Variants in DIP2A observed in about 807,000 individuals in gnomAD.
DIP2A encodes DIP2 acetate--CoA ligase A, also known as disco-interacting protein 2 homolog A.
Under a neutral mutation model 177.4 loss-of-function variants are expected in DIP2A, and 85 were observed. That is an observed-to-expected ratio of 0.48 (90% CI 0.40 to 0.57). The LOEUF is 0.57. Among genes scored for constraint, DIP2A ranks in the 20% least tolerant of loss-of-function variants. The pLI is 0.00. For synonymous variants in DIP2A, 886 were observed against 881.8 expected (o/e 1.00, Z -0.08); for missense variants, 1,791 against 2,100.2 (o/e 0.85, Z 2.88).
At chr21:46,494,253 A>G (rs1467450041) in intron 3 of DIP2A, among the ~76,000 whole-genome samples, 2 of 152,206 alleles carry the variant, frequency 1.3e-5, no homozygotes, top group African/African-American at 2.4e-5. Context: ...TTCAGCCTCT[A>G]TGAACCTTAG....
chr21:46,461,422 C>T (rs1013403563), intron 1 of DIP2A, among the ~76,000 whole-genome samples: 3 of 152,008 alleles, frequency 2.0e-5, no homozygotes, highest in Middle Eastern at 3.4e-3. Flanking sequence ...TAGGGAAAAT[C>T]ACATATACGC....
At chr21:46,554,476 C>T (rs1850341361) in intron 26 of DIP2A, 99 bp from the exon 27 acceptor site, 1 of 1,549,576 alleles carries the variant, frequency 6.5e-7, no homozygotes. Context: ...CCATGCCCCC[C>T]CAGCACCACC....
chr21:46,470,715 G>T (rs1433056376), intron 1 of DIP2A, among the ~76,000 whole-genome samples: 1 of 150,414 alleles, frequency 6.6e-6, no homozygotes, highest in Admixed American at 6.7e-5. Context: ...AGTGAGCAGA[G>T]ATCACACCAT....
At position 46,495,244 on chromosome 21, in the gene DIP2A, T is replaced by TTCTTTCTCTCTCTCTC. The variant is rs2057274679; in HGVS notation, c.284-1741_284-1740insTTCTCTCTCTCTCTCT. Among the ~76,000 whole-genome samples the TTCTTTCTCTCTCTCTC allele has an allele frequency of 1.0e-3, 38 of 38,140 alleles. 1 individual carries two copies. Among genetic ancestry groups the TTCTTTCTCTCTCTCTC allele is most frequent in the African/African-American group, 1.3e-3 (11 of 8,532 alleles). 25.0% of individuals were successfully genotyped at this position (38,140 alleles called of 152,430 possible). A position where few individuals can be genotyped will look rare whatever the true frequency, so the allele number is the denominator to read the frequency against. The stretch of plus-strand genomic sequence containing the variant: ...CTTCTCTTCTCTTCTCTTCTCTTCT[T>TTCTTTCTCTCTCTCTC]TCTCTCTCTCTCTCTCTCTCTCTCT... On this transcript the variant is annotated intron_variant, in intron 3 of 37. Transcript: ENST00000417564.
At chr21:46,505,571 T>C (rs1017113816) in intron 6 of DIP2A, among the ~76,000 whole-genome samples, 11 of 152,188 alleles carry the variant, frequency 7.2e-5, no homozygotes, top group South Asian at 4.1e-4. Context: ...ATTGTGTCAC[T>C]TCACTCCAGC....
At chr21:46,561,948 T>G in intron 34 of DIP2A, 143 bp downstream of exon 34, 1 of 1,466,008 alleles carries the variant, frequency 6.8e-7, no homozygotes, top group Non-Finnish European at 9.0e-7. Flanking sequence ...GCTGCAGAAG[T>G]CTCCTTCCCT....
chr21:46,539,649 C>A, intron 16 of DIP2A: 1 of 550,530 alleles, frequency 1.8e-6, no homozygotes, highest in Non-Finnish European at 3.3e-6. Flanking sequence ...GCCCCTTCTG[C>A]CCTTTGGAGC....
chr21:46,532,734 G>A (rs776744785), intron 10 of DIP2A, among the ~76,000 whole-genome samples: 6 of 152,066 alleles, frequency 3.9e-5, no homozygotes, highest in Non-Finnish European at 7.4e-5. Flanking sequence ...TTATATGACC[G>A]TAGGCAGTTT....
chr21:46,477,543 T>TGTGTG (rs2055964791), intron 1 of DIP2A, among the ~76,000 whole-genome samples: 1 of 87,094 alleles, frequency 1.1e-5, no homozygotes, highest in African/African-American at 4.3e-5. Context: ...AAAAAAAGAT[T>TGTGTG]TGTGTGTGTG....
chr21:46,571,827 C>T (rs2060970884), downstream of DIP2A, among the ~76,000 whole-genome samples: 1 of 152,174 alleles, frequency 6.6e-6, no homozygotes, highest in Non-Finnish European at 1.5e-5. Context: ...TCTAAATATA[C>T]AATCATGTCA....
chr21:46,470,654 C>G (rs1274681935), intron 1 of DIP2A, among the ~76,000 whole-genome samples: 1 of 151,888 alleles, frequency 6.6e-6, no homozygotes, highest in Non-Finnish European at 1.5e-5. Context: ...GCCTGTAATC[C>G]CAGCTACTCA....
intron 12 of DIP2A, 26 bp from the exon 13 acceptor site, chr21:46,534,559 A>C: frequency 6.2e-7 from 1 of 1,602,452 alleles, no homozygotes; most frequent in African/African-American, 1.3e-5. Context: ...ATACCACATC[A>C]TGTTTTTTTC....
chr21:46,516,488 C>CCTTTTTTTTTTTT (rs2058579913), intron 8 of DIP2A, among the ~76,000 whole-genome samples: 2 of 76,366 alleles, frequency 2.6e-5, no homozygotes, highest in African/African-American at 8.9e-5. Context: ...TCTGAAATTT[C>CCTTTTTTTTTTTT]TTTTTTTTTT....
intron 31 of DIP2A, 103 bp from the exon 32 acceptor site, chr21:46,558,120 C>T (rs1164947041): frequency 5.7e-6 from 7 of 1,236,466 alleles, no homozygotes; most frequent in Non-Finnish European, 7.7e-6. Context: ...TGGTGTCCAG[C>T]TCCACCTCTG....
At chr21:46,483,418 A>C (rs568319913) in intron 1 of DIP2A, among the ~76,000 whole-genome samples, 1 of 151,590 alleles carries the variant, frequency 6.6e-6, no homozygotes, top group South Asian at 2.1e-4. Flanking sequence ...GCAGATAAGC[A>C]TGAGAGGCTT....
chr21:46,567,538 T>G lies in DIP2A; in HGVS notation c.4632T>G (p.Ser1544=). ...ACCCAGGGGTGATCCCTATCAACTC[T>G]CGGGGTGAGAAGCAGCGCATGCACC... is the stretch of plus-strand genomic sequence containing the variant. ...IVDPGVIPIN[S]RGEKQRMHLR... is the part of the protein sequence containing the mutation. Residue 1544 remains serine, a synonymous_variant, in exon 38 of 38, where the codon TCT becomes TCG. Coordinates refer to ENST00000417564, the MANE Select transcript of DIP2A (RefSeq NM_015151.4). 1 of 1,613,788 alleles carries G rather than the reference T, an allele frequency of 6.2e-7. No individual in the cohort carries two copies. The highest frequency in any genetic ancestry group is 8.5e-7 in the Non-Finnish European group (1 of 1,179,836).
chr21:46,493,000 A>G (rs80124066), intron 3 of DIP2A, among the ~76,000 whole-genome samples: 8,765 of 152,028 alleles, frequency 0.058, 323 homozygotes, highest in Non-Finnish European at 0.082. Context: ...CCATCAACCT[A>G]TGAGTACAAT....
At chr21:46,531,486 A>G (rs888760122) in intron 9 of DIP2A, among the ~76,000 whole-genome samples, 6 of 152,254 alleles carry the variant, frequency 3.9e-5, no homozygotes, top group African/African-American at 7.2e-5. Context: ...GTGCTCATAG[A>G]TGAGATTTTA....
chr21:46,463,683 TGTGTGTG>T (rs2054529955), intron 1 of DIP2A, among the ~76,000 whole-genome samples: 1 of 119,150 alleles, frequency 8.4e-6, no homozygotes, highest in East Asian at 2.0e-4. Context: ...GATATATTTG[TGTGTGTG>T]TGTGTGTGTG....
Sources: gnomAD v4.1 joint callset for allele counts (sites outside exome capture counted in the v4.1 genomes callset) on GRCh38, gnomAD v4.1.1 for gene constraint, MANE v1.5 for transcripts, NCBI Gene and HGNC (gene_info 2026-07-23, HGNC 2026-07-21) for gene names.